The following GFRA2 variants were observed in gnomAD, a reference collection of about 807,000 sequenced individuals.
GFRA2 encodes GDNF family receptor alpha 2.
GFRA2 carries 17 observed loss-of-function variants against 48.3 expected under a neutral mutation model. The ratio of observed to expected loss-of-function variants is 0.35; its 90% CI spans 0.24 to 0.53. The LOEUF is 0.53. Among genes scored for constraint, GFRA2 ranks in the 20% least tolerant of loss-of-function variants. The pLI, the probability that GFRA2 is intolerant of heterozygous loss-of-function variation, is 0.93. For synonymous variants in GFRA2, 305 were observed against 257.2 expected, an observed-to-expected ratio of 1.19 and a Z score of -1.78; for missense variants, 660 against 637.3, an observed-to-expected ratio of 1.04 and a Z score of -0.38.
chr8:21,804,431 A>C (rs1271625019), intron 2 of GFRA2, among the ~76,000 whole-genome samples: 1 of 83,468 alleles, frequency 1.2e-5, no homozygotes, highest in African/African-American at 4.2e-5. Flanking sequence ...CTGCTAAAAA[A>C]AAAAACAAAA....
rs1266609672 is a variant in GFRA2 at position 21,788,306 on chromosome 8, C to T, written c.-147G>A. Reference sequence around the variant, plus strand: ...CCAGCTAGTCCACCCGATGAAGATCCCGAGTCCTGCGATTCTCGCCTCTGG... The same window carrying T: ...CCAGCTAGTCCACCCGATGAAGATCTCGAGTCCTGCGATTCTCGCCTCTGG... On this transcript the variant is annotated 5_prime_UTR_variant, in exon 1 of 9. Transcript: ENST00000524240. 5.8e-6 allele frequency: 8 copies of T among 1,389,550 alleles called. 1 individual carries two copies. In the South Asian group the frequency reaches 1.2e-4, roughly 21 times the overall value. 86.1% of individuals were successfully genotyped at this position (1,389,550 alleles called of 1,614,324 possible).
chr8:21,759,797 G>A (rs1401889401), intron 3 of GFRA2, among the ~76,000 whole-genome samples: 1 of 150,756 alleles, frequency 6.6e-6, no homozygotes, highest in East Asian at 2.0e-4. Flanking sequence ...GCTGAAGCAG[G>A]AGAATCGCTT....
rs77519250 is a variant in GFRA2 at position 21,691,743 on chromosome 8, C to G, written c.*1535G>C. The G allele has an allele frequency of 6.6e-6, 1 of 152,270 alleles. No homozygotes were observed. The highest frequency in any genetic ancestry group is 1.5e-5 in the Non-Finnish European group (1 of 68,080). The allele number at this position is 152,270 out of a possible 1,614,324, so 9.4% of individuals were successfully genotyped here. On this transcript the variant is annotated 3_prime_UTR_variant, in exon 9 of 9. Transcript: ENST00000524240. Reference sequence around the variant, plus strand: ...TGGGAGCCACAGGCATTTGCGCCAACTGGAGAAGTGAGCAAAGAGGGAACA... The same window carrying G: ...TGGGAGCCACAGGCATTTGCGCCAAGTGGAGAAGTGAGCAAAGAGGGAACA...
At chr8:21,720,649 C>T (rs1368651857) in intron 4 of GFRA2, among the ~76,000 whole-genome samples, 2 of 152,158 alleles carry the variant, frequency 1.3e-5, no homozygotes, top group Non-Finnish European at 2.9e-5. Flanking sequence ...CCAGCCGTGA[C>T]GTTTCATATG....
In GFRA2 at chr8:21,779,588, A is replaced by G. The variant is rs1025001808; in HGVS notation, c.355+2997T>C. On this transcript the variant is annotated intron_variant, in intron 2 of 8. Transcript: ENST00000524240. ...TGAGCGCTTTAATTATTTGTACGCT[A>G]CAGAGTCCGGCTCTGGGTGAAGACA... 14 of 152,366 alleles carry G rather than the reference A, an allele frequency of 9.2e-5. No homozygotes were observed. The South Asian group carries it at 2.9e-3, about 32-fold the overall frequency. The allele number at this position is 152,366 out of a possible 1,614,324, so 9.4% of individuals were successfully genotyped here.
intron 2 of GFRA2, among the ~76,000 whole-genome samples, 157 bp downstream of exon 2, chr8:21,782,428 G>A (rs1275229441): frequency 6.6e-6 from 1 of 151,732 alleles, no homozygotes; most frequent in Non-Finnish European, 1.5e-5. Context: ...GTGGGGCGGC[G>A]ACTTCTCTGG....
At chr8:21,698,230 G>A (rs1802305251) in intron 7 of GFRA2, among the ~76,000 whole-genome samples, 1 of 152,222 alleles carries the variant, frequency 6.6e-6, no homozygotes, top group African/African-American at 2.4e-5. Flanking sequence ...GGCAGCACAG[G>A]GACTGTGGGA....
chr8:21,745,795 G>A (rs1563243040), intron 4 of GFRA2, among the ~76,000 whole-genome samples: 2 of 152,188 alleles, frequency 1.3e-5, no homozygotes, highest in Non-Finnish European at 2.9e-5. Flanking sequence ...CTGCAAGAGT[G>A]TAGAAAGAAG....
At position 21,788,496 on chromosome 8, in the gene GFRA2, C is replaced by T; in HGVS notation, c.-337G>A. 1 of 1,074,748 alleles carries T rather than the reference C, an allele frequency of 9.3e-7. No individual in the cohort carries two copies. The highest frequency in any genetic ancestry group is 1.1e-6 in the Non-Finnish European group (1 of 889,042). The allele number at this position is 1,074,748 out of a possible 1,614,324, so 66.6% of individuals were successfully genotyped here. Reference sequence around the variant, plus strand: ...AATCGTCCGGGAAGGCGTGAGTCCCCGCGGGTCCAATTCCCCTGCGCTTCC... The same window carrying T: ...AATCGTCCGGGAAGGCGTGAGTCCCTGCGGGTCCAATTCCCCTGCGCTTCC... On this transcript the variant is annotated 5_prime_UTR_variant, in exon 1 of 9. Transcript: ENST00000524240.
At chr8:21,723,508 C>T (rs778804661) in intron 4 of GFRA2, among the ~76,000 whole-genome samples, 61 of 152,222 alleles carry the variant, frequency 4.0e-4, no homozygotes, top group Non-Finnish European at 6.5e-4. Flanking sequence ...GAGAGCTTTA[C>T]AAAAAATAAA....
At chr8:21,748,926 G>T (rs1316743023) in intron 4 of GFRA2, among the ~76,000 whole-genome samples, 1 of 152,088 alleles carries the variant, frequency 6.6e-6, no homozygotes, top group African/African-American at 2.4e-5. Flanking sequence ...TTTCCAACAG[G>T]CTTCTTCCCT....
At chr8:21,754,505 C>CTTTTTTTTT (rs59344047) in intron 3 of GFRA2, among the ~76,000 whole-genome samples, 7 of 121,244 alleles carry the variant, frequency 5.8e-5, no homozygotes, top group Admixed American at 2.6e-4. Context: ...CTTTTTTTTT[C>CTTTTTTTTT]TTTTTTTTTT....
At chr8:21,794,479 G>A (rs1404900952) in intron 2 of GFRA2, among the ~76,000 whole-genome samples, 1 of 151,524 alleles carries the variant, frequency 6.6e-6, no homozygotes, top group Non-Finnish European at 1.5e-5. Context: ...TCGAACTCTT[G>A]ACCTCAGGTG....
chr8:21,754,505 CTTTT>C (rs59344047), intron 3 of GFRA2, among the ~76,000 whole-genome samples: 4 of 121,246 alleles, frequency 3.3e-5, no homozygotes, highest in Non-Finnish European at 6.8e-5. Flanking sequence ...CTTTTTTTTT[CTTTT>C]TTTTTTTTTT....
Position 21,770,745 on chromosome 8 carries a change from G to C in GFRA2, c.439+4227C>G, listed in dbSNP as rs1020434698. The stretch of plus-strand genomic sequence containing the variant: ...TTAGGCATGGGCCCAGTGGCGGTGA[G>C]GATGCCTCTGCCCAACCCGCCCAGT... On this transcript the variant is annotated intron_variant, in intron 3 of 8. Transcript: ENST00000524240. 3.3e-5 allele frequency among the ~76,000 whole-genome samples: 5 copies of C among 152,108 alleles called. No homozygotes were observed. In the East Asian group the frequency reaches 9.6e-4, roughly 29 times the overall value.
At chr8:21,710,826 A>G (rs1802986078) in intron 4 of GFRA2, among the ~76,000 whole-genome samples, 1 of 152,224 alleles carries the variant, frequency 6.6e-6, no homozygotes, top group African/African-American at 2.4e-5. Context: ...CTGTTCCTCC[A>G]TTGCGCCATC....
chr8:21,810,321 C>T (rs1179468124), intron 1 of GFRA2, among the ~76,000 whole-genome samples: 1 of 152,162 alleles, frequency 6.6e-6, no homozygotes, highest in Non-Finnish European at 1.5e-5. Flanking sequence ...CTTAGCAAAC[C>T]CTCCAGCTTG....
intron 4 of GFRA2, among the ~76,000 whole-genome samples, chr8:21,713,272 G>T (rs1803164502): frequency 6.6e-6 from 1 of 151,838 alleles, no homozygotes; most frequent in Admixed American, 6.6e-5. Flanking sequence ...GCTCACTGCA[G>T]CCTCCACCTC....
At chr8:21,798,898 G>A (rs905646295) in intron 2 of GFRA2, among the ~76,000 whole-genome samples, 2 of 152,186 alleles carry the variant, frequency 1.3e-5, no homozygotes, top group African/African-American at 4.8e-5. Flanking sequence ...CTTGCACTCT[G>A]TTGAAGTCTC....
Sources: gnomAD v4.1 joint callset for allele counts (sites outside exome capture counted in the v4.1 genomes callset) on GRCh38, gnomAD v4.1.1 for gene constraint, MANE v1.5 for transcripts, NCBI Gene and HGNC (gene_info 2026-07-23, HGNC 2026-07-21) for gene names.